PRR5: variants seen among roughly 807,000 people sequenced by gnomAD.
The protein encoded by PRR5 is proline-rich protein 5.
A neutral mutation model predicts 30.6 loss-of-function variants in PRR5; 25 were observed. That is an observed-to-expected ratio of 0.82 (90% CI 0.60 to 1.14). PRR5 has a LOEUF of 1.14. PRR5 is among the 50% of genes most tolerant of loss of function. The probability of loss-of-function intolerance (pLI) is 0.00; values close to 1 mark genes in which losing one functional copy is unlikely to be tolerated. For missense variants in PRR5, 600 were observed against 547.1 expected (o/e 1.10, Z -0.96); for synonymous variants, 286 against 247.1 (o/e 1.16, Z -1.48).
chr22:44,721,267 A>G (rs1929894142), intron 2 of PRR5, among the ~76,000 whole-genome samples: 1 of 152,218 alleles, frequency 6.6e-6, no homozygotes, highest in Admixed American at 6.5e-5. Context: ...CTCAAGGGCC[A>G]GGTTACAGAA....
At chr22:44,701,681 C>G (rs1329811282), upstream of PRR5, among the ~76,000 whole-genome samples, 2 of 152,198 alleles carry the variant, frequency 1.3e-5, no homozygotes, top group African/African-American at 4.8e-5. Flanking sequence ...CCAGGCAATG[C>G]TGAAGTCCCT....
chr22:44,732,832 TACTACACAC>T lies in PRR5; in HGVS notation c.555+442_555+450del, dbSNP rs1569111510. 3.0e-3 allele frequency among the ~76,000 whole-genome samples: 97 copies of T among 31,964 alleles called. 1 individual carries two copies. The South Asian group carries it at 0.076, about 25-fold the overall frequency. 21.0% of individuals were successfully genotyped at this position (31,964 alleles called of 152,430 possible). On this transcript the variant is annotated intron_variant, in intron 6 of 7. Coordinates refer to ENST00000336985, the MANE Select transcript of PRR5 (RefSeq NM_181333.4). ...TACACACTACACGTGTGCACGCACA[TACTACACAC>T]GTGCACACACGTGCACACGCACATA...
In PRR5 at chr22:44,714,520, A is replaced by G. The variant is rs542900475; in HGVS notation, c.135-71A>G. On this transcript the variant is annotated intron_variant, in intron 1 of 7. Transcript: ENST00000336985. ...CCTTCTAGGAGAGAGGGAAAGAGGAATGGGGCCTGATGGGCAACCAGGGGG... is the reference window on the plus strand; with the variant it reads ...CCTTCTAGGAGAGAGGGAAAGAGGAGTGGGGCCTGATGGGCAACCAGGGGG... The G allele has an allele frequency of 8.0e-5, 126 of 1,581,770 alleles. 2 individuals carry two copies. In the South Asian group the frequency reaches 1.1e-3, roughly 14 times the overall value.
chr22:44,689,372 C>G (rs1925040044), intron 1 of PRR5, among the ~76,000 whole-genome samples: 1 of 152,182 alleles, frequency 6.6e-6, no homozygotes, highest in Non-Finnish European at 1.5e-5. Context: ...TATCAGACAC[C>G]CCCAGGGCCA....
intron 1 of PRR5, among the ~76,000 whole-genome samples, chr22:44,712,609 C>T (rs1406248910): frequency 1.3e-5 from 2 of 152,198 alleles, no homozygotes; most frequent in African/African-American, 2.4e-5. Flanking sequence ...TTGGTTTTCT[C>T]ATCTGCAAAA....
chr22:44,682,341 G>C (rs1027913968), intron 1 of PRR5, among the ~76,000 whole-genome samples: 1 of 152,190 alleles, frequency 6.6e-6, no homozygotes, highest in Non-Finnish European at 1.5e-5. Context: ...TGGAGAGAAT[G>C]GGGGGAGGAG....
At chr22:44,720,538 A>G (rs1245997322) in intron 2 of PRR5, among the ~76,000 whole-genome samples, 1 of 152,194 alleles carries the variant, frequency 6.6e-6, no homozygotes, top group African/African-American at 2.4e-5. Context: ...AGGGGAACCC[A>G]GGTGCTGGCA....
intron 2 of PRR5, among the ~76,000 whole-genome samples, chr22:44,717,610 A>T (rs766982586): frequency 6.6e-6 from 1 of 151,838 alleles, no homozygotes; most frequent in Non-Finnish European, 1.5e-5. Context: ...TATTCTGGAC[A>T]TTCCATATCA....
intron 1 of PRR5, among the ~76,000 whole-genome samples, chr22:44,706,496 C>T (rs926258802): frequency 2.0e-5 from 3 of 152,128 alleles, no homozygotes; most frequent in African/African-American, 7.2e-5. Flanking sequence ...ATTCTTTCCT[C>T]CATGGATGTT....
At chr22:44,678,854 G>A (rs1924006870) in intron 1 of PRR5, among the ~76,000 whole-genome samples, 1 of 152,160 alleles carries the variant, frequency 6.6e-6, no homozygotes, top group South Asian at 2.1e-4. Flanking sequence ...GCTCAGCTGG[G>A]GGCTGGCACA....
chr22:44,706,849 CTATGGATGCCCGGCTGG>C (rs752625176), intron 1 of PRR5, among the ~76,000 whole-genome samples: 34,821 of 151,968 alleles, frequency 0.23, 4,545 homozygotes, highest in East Asian at 0.47. Flanking sequence ...TGTAAGGGAG[CTATGGATGCCCGGCTGG>C]CCTGCCGGCC....
chr22:44,705,134 A>C (rs533912695), intron 1 of PRR5, among the ~76,000 whole-genome samples: 1 of 152,294 alleles, frequency 6.6e-6, no homozygotes, highest in Non-Finnish European at 1.5e-5. Context: ...GGCCTAAAAC[A>C]GCAGAAATTT....
chr22:44,675,823 T>C (rs1240423332), upstream of PRR5, among the ~76,000 whole-genome samples: 4 of 150,514 alleles, frequency 2.7e-5, no homozygotes, highest in Non-Finnish European at 4.4e-5. Flanking sequence ...CCTAATTAAA[T>C]TGTGGATCCT....
chr22:44,736,741 C>T (rs1260107321), intron 7 of PRR5, 31 bp from the exon 8 acceptor site: 1 of 1,523,094 alleles, frequency 6.6e-7, no homozygotes, highest in South Asian at 1.3e-5. Flanking sequence ...CAGGTGGCCT[C>T]TGGTGTGACA....
intron 1 of PRR5, among the ~76,000 whole-genome samples, chr22:44,695,979 G>A (rs968922905): frequency 7.3e-5 from 10 of 136,150 alleles, no homozygotes; most frequent in African/African-American, 2.8e-4. Context: ...CACCCAGGCT[G>A]GAGTGCAATG....
intron 1 of PRR5, among the ~76,000 whole-genome samples, chr22:44,692,429 G>A (rs1210737757): frequency 7.8e-6 from 1 of 128,660 alleles, no homozygotes; most frequent in African/African-American, 3.0e-5. Flanking sequence ...TCCTCCCGGG[G>A]GCTCCTCCTC....
At chr22:44,705,111 C>T (rs1926974649) in intron 1 of PRR5, among the ~76,000 whole-genome samples, 1 of 152,148 alleles carries the variant, frequency 6.6e-6, no homozygotes, top group South Asian at 2.1e-4. Context: ...GTAACAAAGA[C>T]CACAAACTCG....
At chr22:44,688,855 G>GT (rs1229190362) in intron 1 of PRR5, among the ~76,000 whole-genome samples, 1 of 152,116 alleles carries the variant, frequency 6.6e-6, no homozygotes, top group Non-Finnish European at 1.5e-5. Context: ...GGGCATGGTG[G>GT]TGCACGCCTG....
At chr22:44,733,789 C>T (rs1488144035) in intron 6 of PRR5, among the ~76,000 whole-genome samples, 2 of 152,102 alleles carry the variant, frequency 1.3e-5, no homozygotes, top group African/African-American at 2.4e-5. Flanking sequence ...CCCACCTACT[C>T]ATTGTAACAC....
Sources: gnomAD v4.1 joint callset for allele counts (sites outside exome capture counted in the v4.1 genomes callset) on GRCh38, gnomAD v4.1.1 for gene constraint, MANE v1.5 for transcripts, NCBI Gene and HGNC (gene_info 2026-07-23, HGNC 2026-07-21) for gene names.